IFT81: variants seen among roughly 807,000 people sequenced by gnomAD.
IFT81 encodes the protein intraflagellar transport protein 81 homolog.
Under a neutral mutation model 102.6 loss-of-function variants are expected in IFT81, and 72 were observed. The observed-to-expected ratio is 0.70, with a 90% CI of 0.58 to 0.85. The LOEUF is 0.85. IFT81 is among the 40% of genes least tolerant of loss of function. IFT81 has a pLI of 0.00. For missense variants in IFT81, 723 were observed against 787.3 expected, an observed-to-expected ratio of 0.92 and a Z score of 0.98; for synonymous variants, 237 against 242.7, an observed-to-expected ratio of 0.98 and a Z score of 0.22.
At chr12:110,207,364 A>G (rs1236134594) in intron 17 of IFT81, among the ~76,000 whole-genome samples, 1 of 151,592 alleles carries the variant, frequency 6.6e-6, no homozygotes, top group East Asian at 2.0e-4. Flanking sequence ...CCTACTGAAA[A>G]TGAGGATTCA....
At chr12:110,142,617 G>A (rs1421326386) in intron 8 of IFT81, among the ~76,000 whole-genome samples, 1 of 151,948 alleles carries the variant, frequency 6.6e-6, no homozygotes, top group Non-Finnish European at 1.5e-5. Flanking sequence ...AACTTTGAGA[G>A]GCTGGGATCA....
chr12:110,136,396 GC>G (rs1894511901), intron 7 of IFT81, among the ~76,000 whole-genome samples: 1 of 152,198 alleles, frequency 6.6e-6, no homozygotes, highest in Admixed American at 6.5e-5. Flanking sequence ...CATCGCCTAA[GC>G]CCTGAATGGT....
chr12:110,147,693 A>G (rs1895301395), intron 10 of IFT81, among the ~76,000 whole-genome samples: 1 of 152,194 alleles, frequency 6.6e-6, no homozygotes, highest in Non-Finnish European at 1.5e-5. Context: ...GAAAATTTCA[A>G]TCAATTACAA....
intron 14 of IFT81, among the ~76,000 whole-genome samples, chr12:110,202,943 T>G (rs1176878316): frequency 1.3e-5 from 2 of 152,158 alleles, no homozygotes; most frequent in Non-Finnish European, 2.9e-5. Context: ...TGCCTAGGTC[T>G]TCAGCCTCCC....
At chr12:110,153,107 CTA>C (rs1246795117) in intron 10 of IFT81, among the ~76,000 whole-genome samples, 17 of 152,162 alleles carry the variant, frequency 1.1e-4, no homozygotes, top group African/African-American at 4.1e-4. Flanking sequence ...AACATTTGCC[CTA>C]TGTTTCCTTC....
At chr12:110,172,189 G>C (rs922134322) in intron 11 of IFT81, 1 of 152,438 alleles carries the variant, frequency 6.6e-6, no homozygotes, top group East Asian at 1.9e-4. Context: ...CAGCACTTTG[G>C]GAGGCCGAGG....
intron 11 of IFT81, among the ~76,000 whole-genome samples, chr12:110,163,510 G>C (rs902771403): frequency 6.6e-6 from 1 of 151,996 alleles, no homozygotes; most frequent in Admixed American, 6.6e-5. Context: ...CAAAGTGCTG[G>C]GATTACAGGC....
At chr12:110,169,027 T>TCCTTCCTTCCTTCCTC (rs1896597461) in intron 11 of IFT81, 1 of 33,706 alleles carries the variant, frequency 3.0e-5, no homozygotes, top group African/African-American at 7.2e-5. Context: ...CTTCCTCCCT[T>TCCTTCCTTCCTTCCTC]CCTTCCTTCC....
In IFT81 at chr12:110,165,088, G is replaced by GA. The variant is rs963516388; in HGVS notation, c.1188+2033dup. 6.1e-4 allele frequency among the ~76,000 whole-genome samples: 89 copies of GA among 145,188 alleles called. 2 individuals carry two copies. The highest frequency in any genetic ancestry group is 1.7e-3 in the South Asian group (8 of 4,574). ...AATAGGAGACGGATCCAATGACAGG[G>GA]AAAAAAAAAAGCAGTCTTTTTTTTT... On this transcript the variant is annotated intron_variant, in intron 11 of 18. Transcript: ENST00000242591.
At chr12:110,137,823 T>C (rs995664199) in intron 8 of IFT81, among the ~76,000 whole-genome samples, 1 of 152,198 alleles carries the variant, frequency 6.6e-6, no homozygotes, top group Admixed American at 6.5e-5. Context: ...AATCATTGTT[T>C]TAAAGCCAGG....
chr12:110,135,164 TA>T (rs1476727274), intron 6 of IFT81, 151 bp downstream of exon 6: 10 of 744,096 alleles, frequency 1.3e-5, no homozygotes, highest in Non-Finnish European at 2.2e-5. Context: ...CTCTAGACAG[TA>T]GCCCAGCACT....
chr12:110,190,357 G>A (rs1281154221), intron 12 of IFT81, among the ~76,000 whole-genome samples: 1 of 152,024 alleles, frequency 6.6e-6, no homozygotes, highest in Non-Finnish European at 1.5e-5. Flanking sequence ...CACTTCCTAC[G>A]GGGCTTTGCT....
intron 5 of IFT81, among the ~76,000 whole-genome samples, chr12:110,134,007 A>AT (rs532853088): frequency 2.1e-4 from 31 of 149,260 alleles, no homozygotes; most frequent in South Asian, 4.3e-4. Context: ...TTATTTTAAG[A>AT]TTTTTTTTTT....
chr12:110,132,504 G>A, intron 4 of IFT81, 43 bp from the exon 5 acceptor site: 2 of 823,270 alleles, frequency 2.4e-6, no homozygotes, highest in Non-Finnish European at 3.9e-6. Flanking sequence ...AAACTCTACT[G>A]GATCTAGTTA....
intron 8 of IFT81, among the ~76,000 whole-genome samples, chr12:110,139,675 G>A (rs1408641070): frequency 6.6e-6 from 1 of 151,544 alleles, no homozygotes; most frequent in Non-Finnish European, 1.5e-5. Flanking sequence ...TTAGGAGGCT[G>A]AGGCAGGAGA....
intron 14 of IFT81, among the ~76,000 whole-genome samples, chr12:110,197,090 T>G (rs1269514734): frequency 2.0e-5 from 3 of 151,930 alleles, no homozygotes. Flanking sequence ...TCTTAGCTAT[T>G]GGGAGGCTGA....
At position 110,191,022 on chromosome 12, in the gene IFT81, C is replaced by T. The variant is rs201791587; in HGVS notation, c.1441C>T (p.Arg481Ter). 3.9e-5 allele frequency: 63 copies of T among 1,607,900 alleles called. No individual in the cohort carries two copies. Among genetic ancestry groups the T allele is most frequent in the African/African-American group, 1.9e-4 (14 of 74,594 alleles). ...LKSEVDEMKG[R>*]TLDDMSEMVK... is the part of the protein sequence containing the mutation. ...GAGTGAAGTTGATGAAATGAAAGGA[C>T]GAACATTGGATGATATGTCTGAAAT... Residue 481 changes from arginine (R) to a stop codon, truncating the protein, a stop_gained, in exon 13 of 19, where the codon CGA (arginine) becomes TGA (stop). Transcript: ENST00000242591. LOFTEE classifies it high-confidence loss of function.
intron 9 of IFT81, 100 bp from the exon 10 acceptor site, chr12:110,146,853 A>G (rs376028285): frequency 4.5e-6 from 6 of 1,339,274 alleles, no homozygotes; most frequent in South Asian, 3.6e-5. Context: ...TTTAAAAAAA[A>G]AGAACCATAA....
intron 11 of IFT81, among the ~76,000 whole-genome samples, chr12:110,179,387 A>G (rs1243693450): frequency 6.6e-6 from 1 of 151,764 alleles, no homozygotes; most frequent in African/African-American, 2.4e-5. Context: ...CCTAATCCTT[A>G]TTTGTAAAGT....
Sources: allele counts gnomAD v4.1 joint callset (sites outside exome capture counted in the v4.1 genomes callset), GRCh38; gene constraint gnomAD v4.1.1; transcripts MANE v1.5; gene names NCBI Gene and HGNC (gene_info 2026-07-23, HGNC 2026-07-21).